Variants in SWT1 observed in about 807,000 individuals in gnomAD.
SWT1 encodes the protein SWT1 RNA endoribonuclease homolog.
SWT1 carries 33 observed loss-of-function variants against 107.3 expected under a neutral mutation model. The observed-to-expected ratio is 0.31, with a 90% CI of 0.23 to 0.41. The LOEUF is 0.41. Among genes scored for constraint, SWT1 ranks in the 10% least tolerant of loss-of-function variants. The pLI, the probability that SWT1 is intolerant of heterozygous loss-of-function variation, is 1.00. For missense variants in SWT1, 898 were observed against 1,028.9 expected (o/e 0.87, Z 1.74); for synonymous variants, 345 against 348.3 (o/e 0.99, Z 0.11).
chr1:185,243,708 A>G (rs1306982681), intron 16 of SWT1, among the ~76,000 whole-genome samples: 1 of 152,168 alleles, frequency 6.6e-6, no homozygotes, highest in Non-Finnish European at 1.5e-5. Context: ...CTTTCTCTTA[A>G]CAATAAGGTA....
At chr1:185,205,907 A>T (rs1658295963) in intron 12 of SWT1, among the ~76,000 whole-genome samples, 1 of 152,164 alleles carries the variant, frequency 6.6e-6, no homozygotes, top group Non-Finnish European at 1.5e-5. Context: ...GAATTAAATG[A>T]TCAATGTTTT....
Position 185,268,678 on chromosome 1 carries a change from TC to T in SWT1, c.2442-2643del, listed in dbSNP as rs534365760. On this transcript the variant is annotated intron_variant, in intron 16 of 18. Transcript: ENST00000367500. ...TGGACATTCACTAGAGTTTGTCTCA[TC>T]CTCTGGAGTCTAATATAGTATGTTA... is the stretch of plus-strand genomic sequence containing the variant. Among the ~76,000 whole-genome samples, 114 of 152,302 alleles carry T rather than the reference TC, an allele frequency of 7.5e-4. 4 individuals carry two copies. The South Asian group carries it at 0.023, about 31-fold the overall frequency.
rs781634296 is a variant in SWT1 at position 185,174,805 on chromosome 1, A to G, written c.658A>G (p.Ile220Val). 1 of 1,612,564 alleles carries G rather than the reference A, an allele frequency of 6.2e-7. No individual in the cohort carries two copies. Among genetic ancestry groups the G allele is most frequent in the Non-Finnish European group, 8.5e-7 (1 of 1,179,658 alleles). The stretch of plus-strand genomic sequence containing the variant: ...TTCTCAGGATTATAACTCCAACAAG[A>G]TAATTAAGGAACCCTTGGGATCTAG... ...QFSQDYNSNK[I>V]IKEPLGSRRQ... Residue 220 changes from isoleucine (I) to valine (V), a missense_variant, in exon 5 of 19, where the codon ATA becomes GTA. Physicochemically the swap from Ile to Val is conservative, Grantham distance 29 (BLOSUM62 3). Transcript: ENST00000367500.
chr1:185,231,575 A>G lies in SWT1; in HGVS notation c.2310-2A>G. ...TGAGTATCTTTTTTTTCTCTATTTT[A>G]GCACGGATGTATTTCAAAGATTGGG... On this transcript the variant is annotated splice_acceptor_variant, in intron 15 of 18. Coordinates refer to ENST00000367500, the MANE Select transcript of SWT1 (RefSeq NM_017673.7). LOFTEE classifies it high-confidence loss of function. 2 of 1,602,820 alleles carry G rather than the reference A, an allele frequency of 1.2e-6. No homozygotes were observed. Among genetic ancestry groups the G allele is most frequent in the African/African-American group, 1.3e-5 (1 of 74,582 alleles).
intron 16 of SWT1, among the ~76,000 whole-genome samples, chr1:185,269,334 G>A (rs1198294534): frequency 6.8e-6 from 1 of 147,140 alleles, no homozygotes; most frequent in Non-Finnish European, 1.5e-5. Context: ...TCCATATGTA[G>A]TATTCCTCAG....
In SWT1 at chr1:185,221,913, C is replaced by T. The variant is rs1353700469; in HGVS notation, c.2186C>T (p.Ser729Leu). 1.9e-6 allele frequency: 3 copies of T among 1,612,032 alleles called. No homozygotes were observed. The highest frequency in any genetic ancestry group is 1.7e-5 in the Admixed American group (1 of 59,618). The change falls in exon 15 of 19, where the codon TCA (serine) becomes TTA (leucine). Residue 729 changes from serine to leucine, a missense_variant. Transcript: ENST00000367500. ...NTVTKKQEGT[S>L]LKNSHNQEIT... ...GTGACTAAAAAGCAGGAAGGTACTTCATTGAAGAATTCTCATAATCAAGAA... is the reference window on the plus strand; with the variant it reads ...GTGACTAAAAAGCAGGAAGGTACTTTATTGAAGAATTCTCATAATCAAGAA...
intron 16 of SWT1, among the ~76,000 whole-genome samples, chr1:185,242,647 A>G (rs952926764): frequency 1.1e-4 from 17 of 152,290 alleles, no homozygotes; most frequent in Admixed American, 8.5e-4. Context: ...ATCAAATCAC[A>G]TCCAAATTAA....
rs763465111 is a variant in SWT1, at chr1:185,182,055, C to G, written c.1136C>G (p.Ser379Cys). Residue 379 changes from serine (S) to cysteine (C), a missense_variant and splice_region_variant, in exon 7 of 19, where the codon TCT becomes TGT. By Grantham distance (112) the Ser-to-Cys change is moderately radical (BLOSUM62 -1). Around this residue, in one of 6 missense-constraint regions of SWT1, gnomAD observed 94 missense variants for 114.5 expected, o/e 0.82. Coordinates refer to ENST00000367500, the MANE Select transcript of SWT1 (RefSeq NM_017673.7). The part of the protein sequence containing the change: ...IDLEDDVHSS[S>C]ANNTSDRKLL... ...TTAGAAGATGATGTACATTCCTCCT[C>G]TGGTATACCCTATATGTTGATGTGT... The G allele has an allele frequency of 5.3e-5, 86 of 1,613,570 alleles. 1 individual carries two copies. Among genetic ancestry groups the G allele is most frequent in the Admixed American group, 1.8e-4 (11 of 59,992 alleles).
chr1:185,206,179 G>A (rs913850929), intron 12 of SWT1, among the ~76,000 whole-genome samples: 5 of 152,022 alleles, frequency 3.3e-5, no homozygotes, highest in African/African-American at 9.7e-5. Flanking sequence ...GGCTGGTCTC[G>A]AACTCCTGAC....
chr1:185,237,262 T>C (rs1660953442), intron 16 of SWT1, among the ~76,000 whole-genome samples: 1 of 152,222 alleles, frequency 6.6e-6, no homozygotes, highest in African/African-American at 2.4e-5. Context: ...ATATGTTTAT[T>C]GCAGCGGTGT....
chr1:185,207,599 G>A (rs1658437897), intron 13 of SWT1, among the ~76,000 whole-genome samples: 1 of 152,198 alleles, frequency 6.6e-6, no homozygotes, highest in Admixed American at 6.5e-5. Flanking sequence ...GATTTGTCTT[G>A]TTATGCCTTT....
intron 18 of SWT1, among the ~76,000 whole-genome samples, chr1:185,278,811 A>T (rs1274565295): frequency 6.6e-6 from 1 of 152,254 alleles, no homozygotes; most frequent in African/African-American, 2.4e-5. Context: ...GAACTTAATA[A>T]AAGTATCACT....
chr1:185,158,088 C>T (rs1388334405), intron 1 of SWT1, among the ~76,000 whole-genome samples: 7 of 152,186 alleles, frequency 4.6e-5, no homozygotes, highest in African/African-American at 1.7e-4. Context: ...AAGAACAAGA[C>T]GCGCGCTTCC....
At position 185,175,228 on chromosome 1, in the gene SWT1, G is replaced by T. The variant is rs563994271; in HGVS notation, c.966+115G>T. 1.0e-3 allele frequency: 975 copies of T among 963,172 alleles called. 11 individuals are homozygous for T. In the African/African-American group the frequency reaches 0.014, roughly 14 times the overall value. The allele number at this position is 963,172 out of a possible 1,614,324, so 59.7% of individuals were successfully genotyped here. On this transcript the variant is annotated intron_variant, in intron 5 of 18. Coordinates refer to ENST00000367500, the MANE Select transcript of SWT1 (RefSeq NM_017673.7). ...TTTTTTTTTTTTTTTGTTGTTGTTT[G>T]TTTTTTGTTTTTGAGACAGGGTCTC...
chr1:185,163,645 C>T (rs924992688), intron 2 of SWT1, among the ~76,000 whole-genome samples: 18 of 152,182 alleles, frequency 1.2e-4, no homozygotes, highest in African/African-American at 3.4e-4. Context: ...CTGCCTACGT[C>T]GGCCTCCCAA....
At chr1:185,184,615 C>T (rs1421866683) in intron 8 of SWT1, 128 bp from the exon 9 acceptor site, 1 of 606,416 alleles carries the variant, frequency 1.6e-6, no homozygotes, top group Non-Finnish European at 2.8e-6. Flanking sequence ...TATATTGTCT[C>T]TCAATTTATT....
At chr1:185,248,049 A>G (rs1210041793) in intron 16 of SWT1, among the ~76,000 whole-genome samples, 3 of 152,208 alleles carry the variant, frequency 2.0e-5, no homozygotes, top group Non-Finnish European at 4.4e-5. Flanking sequence ...ATATAGGATC[A>G]CAGTACATGA....
chr1:185,278,528 T>G (rs1176920214), intron 18 of SWT1, among the ~76,000 whole-genome samples: 2 of 152,224 alleles, frequency 1.3e-5, no homozygotes, highest in East Asian at 3.9e-4. Flanking sequence ...GGCAAATTCA[T>G]GAGGAGCTAA....
At position 185,226,548 on chromosome 1, in the gene SWT1, C is replaced by G. The variant is rs537075832; in HGVS notation, c.2309+4512C>G. The stretch of plus-strand genomic sequence containing the variant: ...GCCAAATGTTTGAGACTAGCCTGGG[C>G]AACACAACAAGACCCTCTCTTTAAA... On this transcript the variant is annotated intron_variant, in intron 15 of 18. Transcript: ENST00000367500. Among the ~76,000 whole-genome samples, 4 of 152,194 alleles carry G rather than the reference C, an allele frequency of 2.6e-5. No individual in the cohort carries two copies. The East Asian group carries it at 7.7e-4, about 29-fold the overall frequency.
Sources: allele counts gnomAD v4.1 joint callset (sites outside exome capture counted in the v4.1 genomes callset), GRCh38; gene constraint gnomAD v4.1.1; regional missense constraint gnomAD v4.1.1; transcripts MANE v1.5; gene names NCBI Gene and HGNC (gene_info 2026-07-23, HGNC 2026-07-21).